The following TMTC1 variants were observed in gnomAD, a reference collection of about 807,000 sequenced individuals.
The protein encoded by TMTC1 is protein O-mannosyl-transferase TMTC1.
In TMTC1, 73 loss-of-function variants were observed where a neutral mutation model predicts 104.8. That is an observed-to-expected ratio of 0.70 (90% CI 0.58 to 0.85). The LOEUF (loss-of-function observed/expected upper bound fraction) is 0.85, where lower values mean the gene tolerates loss of function less well. Among genes scored for constraint, TMTC1 ranks in the 40% least tolerant of loss-of-function variants. The pLI is 0.00. For synonymous variants in TMTC1, 434 were observed against 428.7 expected, an observed-to-expected ratio of 1.01 and a Z score of -0.15; for missense variants, 1,035 against 1,096.1, an observed-to-expected ratio of 0.94 and a Z score of 0.79.
intron 6 of TMTC1, among the ~76,000 whole-genome samples, chr12:29,623,194 T>C (rs1468945059): frequency 6.6e-6 from 1 of 152,186 alleles, no homozygotes; most frequent in African/African-American, 2.4e-5. Context: ...TATAAAAATG[T>C]AGAGGAACAG....
intron 5 of TMTC1, among the ~76,000 whole-genome samples, chr12:29,695,793 T>TTTTATATATATA (rs371127995): frequency 3.6e-5 from 3 of 83,760 alleles, no homozygotes; most frequent in Admixed American, 1.2e-4. Flanking sequence ...TACTTCCTTT[T>TTTTATATATATA]TATATATATA....
intron 5 of TMTC1, among the ~76,000 whole-genome samples, chr12:29,674,363 C>A (rs1027168172): frequency 6.6e-6 from 1 of 151,968 alleles, no homozygotes. Context: ...AGAATAGTAA[C>A]CAGAAATCAG....
intron 5 of TMTC1, among the ~76,000 whole-genome samples, chr12:29,644,145 G>A (rs1200940726): frequency 2.6e-5 from 2 of 76,918 alleles, no homozygotes; most frequent in African/African-American, 1.2e-4. Context: ...GTGTGTGTGT[G>A]TGTGTATATA....
Position 29,647,847 on chromosome 12 carries a change from GAC to G in TMTC1, c.939-14513_939-14512del, listed in dbSNP as rs1939337873. On this transcript the variant is annotated intron_variant, in intron 5 of 17. Coordinates refer to ENST00000539277, the MANE Select transcript of TMTC1 (RefSeq NM_001193451.2). The stretch of plus-strand genomic sequence containing the variant: ...TGTTATCTCCTTTCTGGATTTGAAA[GAC>G]AACCAATTTGAATGTGATAAAGGCA... Among the ~76,000 whole-genome samples the G allele has an allele frequency of 3.9e-5, 6 of 152,124 alleles. No homozygotes were observed. The South Asian group carries it at 1.2e-3, about 32-fold the overall frequency.
chr12:29,660,743 G>T, intron 5 of TMTC1: 1 of 560,698 alleles, frequency 1.8e-6, no homozygotes, highest in South Asian at 5.8e-5. Context: ...AGCTGAGATA[G>T]AGTGGAAACA....
chr12:29,648,148 A>G (rs551629389), intron 5 of TMTC1, among the ~76,000 whole-genome samples: 1 of 152,350 alleles, frequency 6.6e-6, no homozygotes, highest in Non-Finnish European at 1.5e-5. Flanking sequence ...GACAGGTTAC[A>G]CATAAAATCT....
At chr12:29,587,686 A>G (rs1029317527) in intron 7 of TMTC1, among the ~76,000 whole-genome samples, 28 of 152,300 alleles carry the variant, frequency 1.8e-4, no homozygotes, top group African/African-American at 5.8e-4. Context: ...GTGTAAAGCC[A>G]TCCTATATTG....
chr12:29,672,691 C>T (rs1482584392), intron 5 of TMTC1, among the ~76,000 whole-genome samples: 7 of 152,252 alleles, frequency 4.6e-5, no homozygotes, highest in South Asian at 2.1e-4. Context: ...CTAATAACAA[C>T]GACAATAAAT....
At chr12:29,544,213 GCC>G (rs1944879482) in intron 10 of TMTC1, among the ~76,000 whole-genome samples, 1 of 149,444 alleles carries the variant, frequency 6.7e-6, no homozygotes, top group African/African-American at 2.5e-5. Context: ...CTGCACTCCA[GCC>G]TGGGCAACAG....
chr12:29,750,137 C>A lies in TMTC1; in HGVS notation c.938+1529G>T, dbSNP rs549655622. Among the ~76,000 whole-genome samples, 21 of 151,658 alleles carry A rather than the reference C, an allele frequency of 1.4e-4. No homozygotes were observed. The East Asian group carries it at 3.7e-3, about 27-fold the overall frequency. On this transcript the variant is annotated intron_variant, in intron 5 of 17. Transcript: ENST00000539277. ...CATTCCCCTCAGAATAAAATCCAAA[C>A]CTGCTTCCACAGCCAGCACAGCCCT... is the stretch of plus-strand genomic sequence containing the variant.
chr12:29,678,502 GA>G (rs1940806478), intron 5 of TMTC1, among the ~76,000 whole-genome samples: 1 of 152,146 alleles, frequency 6.6e-6, no homozygotes, highest in Non-Finnish European at 1.5e-5. Context: ...GCCATTGTTT[GA>G]AGATGCAGAG....
chr12:29,558,498 A>G (rs762915304), intron 9 of TMTC1, among the ~76,000 whole-genome samples: 5 of 152,236 alleles, frequency 3.3e-5, no homozygotes, highest in Non-Finnish European at 7.3e-5. Context: ...CAGAACAGCT[A>G]TAAACATCCC....
chr12:29,602,116 G>T (rs1290517270), intron 7 of TMTC1, among the ~76,000 whole-genome samples: 2 of 151,114 alleles, frequency 1.3e-5, no homozygotes, highest in East Asian at 3.9e-4. Context: ...TTACAGGCTT[G>T]AGCCACCGCG....
intron 11 of TMTC1, among the ~76,000 whole-genome samples, chr12:29,524,603 A>G (rs1443648622): frequency 2.6e-5 from 4 of 152,206 alleles, no homozygotes; most frequent in African/African-American, 9.7e-5. Flanking sequence ...GGGCCTAAGA[A>G]TTATGTCTAG....
At chr12:29,638,634 C>G (rs1938680306) in intron 5 of TMTC1, among the ~76,000 whole-genome samples, 1 of 152,192 alleles carries the variant, frequency 6.6e-6, no homozygotes, top group Non-Finnish European at 1.5e-5. Flanking sequence ...TAACACACAC[C>G]CACTGGTGCT....
At chr12:29,540,067 A>G (rs1199319988) in intron 10 of TMTC1, among the ~76,000 whole-genome samples, 2 of 152,104 alleles carry the variant, frequency 1.3e-5, no homozygotes, top group Non-Finnish European at 2.9e-5. Flanking sequence ...TTTTTTTTCT[A>G]TCATCATAGG....
At chr12:29,539,581 C>T (rs1468857847) in intron 10 of TMTC1, among the ~76,000 whole-genome samples, 2 of 152,216 alleles carry the variant, frequency 1.3e-5, no homozygotes, top group East Asian at 1.9e-4. Flanking sequence ...CAGGTACCCG[C>T]TACTCCAGCG....
intron 1 of TMTC1, among the ~76,000 whole-genome samples, chr12:29,780,359 T>G (rs145195673): frequency 2.9e-4 from 44 of 152,298 alleles, no homozygotes; most frequent in Non-Finnish European, 5.9e-5. Flanking sequence ...TGAATGAAGA[T>G]CCAGAGACAT....
intron 16 of TMTC1, 101 bp downstream of exon 16, chr12:29,514,381 C>T (rs1260843016): frequency 2.4e-6 from 3 of 1,244,424 alleles, no homozygotes; most frequent in Non-Finnish European, 3.3e-6. Flanking sequence ...AACATACATG[C>T]CAGTGATCTT....
Sources: gnomAD v4.1 joint callset for allele counts (sites outside exome capture counted in the v4.1 genomes callset) on GRCh38, gnomAD v4.1.1 for gene constraint, MANE v1.5 for transcripts, NCBI Gene and HGNC (gene_info 2026-07-23, HGNC 2026-07-21) for gene names.